The following CNTNAP5 variants were observed in gnomAD, a reference collection of about 807,000 sequenced individuals.
CNTNAP5 encodes contactin-associated protein-like 5.
In CNTNAP5, 72 loss-of-function variants were observed where a neutral mutation model predicts 150.2. The observed-to-expected ratio is 0.48, with a 90% CI of 0.40 to 0.58. CNTNAP5 has a LOEUF of 0.58. Among genes scored for constraint, CNTNAP5 ranks in the 20% least tolerant of loss-of-function variants. The probability of loss-of-function intolerance (pLI) is 0.00; values close to 1 mark genes in which losing one functional copy is unlikely to be tolerated. For synonymous variants in CNTNAP5, 672 were observed against 619.8 expected (o/e 1.08, Z -1.25); for missense variants, 1,636 against 1,626.2 (o/e 1.01, Z -0.10).
At chr2:124,684,712 T>C (rs1245102424) in intron 13 of CNTNAP5, among the ~76,000 whole-genome samples, 1 of 152,238 alleles carries the variant, frequency 6.6e-6, no homozygotes, top group Non-Finnish European at 1.5e-5. Context: ...ATACTCATCA[T>C]AGATAGCTCT....
chr2:124,836,840 C>T lies in CNTNAP5; in HGVS notation c.3218-28466C>T, dbSNP rs554242605. ...ACAGTGATTAATTATACACATACCTCGTGTTTGTATTGCAGCTTCCCCCAG... is the reference window on the plus strand; with the variant it reads ...ACAGTGATTAATTATACACATACCTTGTGTTTGTATTGCAGCTTCCCCCAG... On this transcript the variant is annotated intron_variant, in intron 19 of 23. Coordinates refer to ENST00000682447, the MANE Select transcript of CNTNAP5 (RefSeq NM_001367498.1). Among the ~76,000 whole-genome samples, 10 of 152,104 alleles carry T rather than the reference C, an allele frequency of 6.6e-5. No individual in the cohort carries two copies. In the South Asian group the frequency reaches 1.7e-3, roughly 25 times the overall value.
At chr2:124,255,797 CA>C (rs1190779209) in intron 3 of CNTNAP5, among the ~76,000 whole-genome samples, 3 of 152,066 alleles carry the variant, frequency 2.0e-5, no homozygotes, top group African/African-American at 7.2e-5. Flanking sequence ...TGTGCATTTT[CA>C]TAGCCACTTA....
At chr2:124,310,506 C>T (rs1003917724) in intron 3 of CNTNAP5, among the ~76,000 whole-genome samples, 1 of 152,132 alleles carries the variant, frequency 6.6e-6, no homozygotes, top group Non-Finnish European at 1.5e-5. Flanking sequence ...CTTCCTTCCT[C>T]TAATGCCCCC....
intron 11 of CNTNAP5, among the ~76,000 whole-genome samples, chr2:124,602,906 G>A (rs1194080280): frequency 6.6e-6 from 1 of 152,032 alleles, no homozygotes; most frequent in Admixed American, 6.6e-5. Context: ...TAATCACACT[G>A]CCATAATTGT....
At chr2:124,879,277 T>G (rs1280162459) in intron 21 of CNTNAP5, among the ~76,000 whole-genome samples, 1 of 152,082 alleles carries the variant, frequency 6.6e-6, no homozygotes, top group Middle Eastern at 3.2e-3. Context: ...CAGACACATA[T>G]TACATGTTCT....
intron 1 of CNTNAP5, among the ~76,000 whole-genome samples, chr2:124,155,950 G>A (rs1036071736): frequency 1.3e-5 from 2 of 152,244 alleles, no homozygotes; most frequent in African/African-American, 4.8e-5. Context: ...GATAGAGCAA[G>A]CCTTTGCTCC....
rs33978614 is a variant in CNTNAP5 at position 124,585,669 on chromosome 2, C to CTTTTTT, written c.1756+22365_1756+22370dup. Among the ~76,000 whole-genome samples, 63 of 66,378 alleles carry CTTTTTT rather than the reference C, an allele frequency of 9.5e-4. 1 individual carries two copies. The highest frequency in any genetic ancestry group is 9.7e-4 in the Non-Finnish European group (36 of 37,148). The allele number at this position is 66,378 out of a possible 152,430, so 43.5% of individuals were successfully genotyped here. ...ACAGTGAGTCAGGGAGAGCTTGAAG[C>CTTTTTT]TTTTTTTTTTTTTTTTTTTTTTTTG... On this transcript the variant is annotated intron_variant, in intron 11 of 23. Coordinates refer to ENST00000682447, the MANE Select transcript of CNTNAP5 (RefSeq NM_001367498.1).
At chr2:124,726,735 C>T (rs1680164176) in intron 13 of CNTNAP5, among the ~76,000 whole-genome samples, 1 of 151,820 alleles carries the variant, frequency 6.6e-6, no homozygotes, top group African/African-American at 2.4e-5. Context: ...TGATTAACCC[C>T]TTATCAGATG....
At chr2:124,598,188 G>C (rs1696876544) in intron 11 of CNTNAP5, among the ~76,000 whole-genome samples, 1 of 139,068 alleles carries the variant, frequency 7.2e-6, no homozygotes, top group Admixed American at 7.8e-5. Context: ...TGCTGGTGAG[G>C]AACTGCGTTC....
At chr2:124,656,195 A>G (rs1409567650) in intron 13 of CNTNAP5, among the ~76,000 whole-genome samples, 1 of 152,196 alleles carries the variant, frequency 6.6e-6, no homozygotes, top group African/African-American at 2.4e-5. Context: ...TTTTACATGA[A>G]TAGTCAACTA....
chr2:124,477,042 C>A (rs1573399959), intron 7 of CNTNAP5, among the ~76,000 whole-genome samples: 1 of 152,016 alleles, frequency 6.6e-6, no homozygotes, highest in Non-Finnish European at 1.5e-5. Flanking sequence ...TTTTCCCCAC[C>A]ATTCAGAGAT....
At chr2:124,741,947 G>A (rs538132805) in intron 13 of CNTNAP5, among the ~76,000 whole-genome samples, 32 of 152,130 alleles carry the variant, frequency 2.1e-4, no homozygotes, top group African/African-American at 7.7e-4. Flanking sequence ...GCTCAATTGA[G>A]ATAATTCTTT....
intron 6 of CNTNAP5, among the ~76,000 whole-genome samples, chr2:124,450,900 T>G (rs1385908294): frequency 6.6e-6 from 1 of 150,398 alleles, no homozygotes. Context: ...AGGCGTGGTG[T>G]TTTTTCTGTA....
At chr2:124,377,693 G>GAA (rs138543136) in intron 3 of CNTNAP5, among the ~76,000 whole-genome samples, 12 of 143,604 alleles carry the variant, frequency 8.4e-5, no homozygotes, top group Admixed American at 1.4e-4. Context: ...AAAAAAAAAA[G>GAA]AAAAAAAAAT....
intron 19 of CNTNAP5, among the ~76,000 whole-genome samples, chr2:124,807,164 T>C (rs574773698): frequency 1.3e-5 from 2 of 152,260 alleles, no homozygotes; most frequent in South Asian, 4.2e-4. Flanking sequence ...CTCTGTGCAG[T>C]TAATTACCTT....
At chr2:124,492,620 T>C (rs1010088411) in intron 7 of CNTNAP5, among the ~76,000 whole-genome samples, 4 of 152,200 alleles carry the variant, frequency 2.6e-5, no homozygotes, top group African/African-American at 4.8e-5. Flanking sequence ...AAGACTGCCA[T>C]TGGAAATTTG....
intron 3 of CNTNAP5, among the ~76,000 whole-genome samples, chr2:124,255,523 CAAAAATAAAA>C (rs1396098105): frequency 8.3e-6 from 1 of 119,796 alleles, no homozygotes; most frequent in Non-Finnish European, 1.6e-5. Flanking sequence ...GACTCTGTCT[CAAAAATAAAA>C]TAAAATAAAA....
chr2:124,529,983 C>G (rs1573439303), intron 10 of CNTNAP5, among the ~76,000 whole-genome samples: 1 of 152,256 alleles, frequency 6.6e-6, no homozygotes, highest in African/African-American at 2.4e-5. Flanking sequence ...GGTATTAGTG[C>G]TAGTCACGTG....
intron 21 of CNTNAP5, among the ~76,000 whole-genome samples, chr2:124,899,498 T>C (rs937400640): frequency 1.3e-5 from 2 of 151,756 alleles, no homozygotes; most frequent in African/African-American, 4.9e-5. Flanking sequence ...CTAAGTCAAT[T>C]TCAAATAAGA....
Sources: gnomAD v4.1 joint callset for allele counts (sites outside exome capture counted in the v4.1 genomes callset) on GRCh38, gnomAD v4.1.1 for gene constraint, MANE v1.5 for transcripts, NCBI Gene and HGNC (gene_info 2026-07-23, HGNC 2026-07-21) for gene names.